The following PAK5 variants were observed in gnomAD, a reference collection of about 807,000 sequenced individuals.
The protein encoded by PAK5 is serine/threonine-protein kinase PAK 5.
In PAK5, 16 loss-of-function variants were observed where a neutral mutation model predicts 65.9. The observed-to-expected ratio is 0.24, with a 90% CI of 0.16 to 0.37. PAK5 has a LOEUF of 0.37. Ranked by LOEUF, PAK5 falls within the 10% of genes least tolerant of loss-of-function variation. The pLI, the probability that PAK5 is intolerant of heterozygous loss-of-function variation, is 1.00. For missense variants in PAK5, 785 were observed against 903.9 expected (o/e 0.87, Z 1.69); for synonymous variants, 371 against 354.9 (o/e 1.05, Z -0.51).
intron 2 of PAK5, among the ~76,000 whole-genome samples, chr20:9,687,937 T>C (rs921581711): frequency 3.3e-5 from 5 of 151,884 alleles, no homozygotes; most frequent in Admixed American, 2.6e-4. Flanking sequence ...TCTGTGTGTA[T>C]GTGTGTAGGG....
At chr20:9,772,627 T>C (rs576596387) in intron 1 of PAK5, among the ~76,000 whole-genome samples, 36 of 152,238 alleles carry the variant, frequency 2.4e-4, no homozygotes, top group African/African-American at 7.7e-4. Flanking sequence ...GTATTTCTCA[T>C]AGAATATTAA....
At chr20:9,649,365 C>A (rs1032128346) in intron 2 of PAK5, among the ~76,000 whole-genome samples, 4 of 152,134 alleles carry the variant, frequency 2.6e-5, no homozygotes, top group Admixed American at 6.5e-5. Flanking sequence ...AAGTTTACTG[C>A]AAAACTCACA....
intron 3 of PAK5, among the ~76,000 whole-genome samples, chr20:9,631,222 C>T (rs1234545920): frequency 6.6e-6 from 1 of 152,146 alleles, no homozygotes; most frequent in Non-Finnish European, 1.5e-5. Flanking sequence ...CTTTGATTAT[C>T]CCCTCTCCAT....
chr20:9,625,247 A>G lies in PAK5; in HGVS notation c.204+18878T>C, dbSNP rs991214910. Among the ~76,000 whole-genome samples, 84 of 151,894 alleles carry G rather than the reference A, an allele frequency of 5.5e-4. 1 individual carries two copies. Among genetic ancestry groups the G allele is most frequent in the Admixed American group, 3.0e-3 (46 of 15,264 alleles). ...CAACACCATCTCCTTATATTTGATA[A>G]CTCCTTCATCCTGATGTTCTCACTC... On this transcript the variant is annotated intron_variant, in intron 3 of 9. Coordinates refer to ENST00000353224, the MANE Select transcript of PAK5 (RefSeq NM_177990.4).
intron 3 of PAK5, among the ~76,000 whole-genome samples, chr20:9,642,107 G>A (rs924673783): frequency 6.6e-6 from 1 of 152,210 alleles, no homozygotes; most frequent in Non-Finnish European, 1.5e-5. Context: ...GGGAGGTGCC[G>A]AGAGCAAGCG....
chr20:9,596,849 C>T (rs955715232), intron 3 of PAK5, among the ~76,000 whole-genome samples: 1 of 152,036 alleles, frequency 6.6e-6, no homozygotes, highest in East Asian at 1.9e-4. Flanking sequence ...CGTATTAAAC[C>T]CTACTTGGCA....
chr20:9,635,317 A>T (rs1381515741), intron 3 of PAK5, among the ~76,000 whole-genome samples: 1 of 152,160 alleles, frequency 6.6e-6, no homozygotes, highest in East Asian at 1.9e-4. Flanking sequence ...TAAATAAATC[A>T]ATTCATTTTG....
At chr20:9,562,560 G>T (rs549764456) in intron 6 of PAK5, among the ~76,000 whole-genome samples, 8 of 152,182 alleles carry the variant, frequency 5.3e-5, no homozygotes, top group African/African-American at 1.4e-4. Flanking sequence ...CAATGGTAGA[G>T]TAACTCAGGA....
chr20:9,660,839 C>T (rs2047335713), intron 2 of PAK5, among the ~76,000 whole-genome samples: 1 of 152,032 alleles, frequency 6.6e-6, no homozygotes, highest in Non-Finnish European at 1.5e-5. Flanking sequence ...AAGGGCCAAA[C>T]AGAGGGACAT....
intron 7 of PAK5, among the ~76,000 whole-genome samples, 194 bp from the exon 8 acceptor site, chr20:9,544,688 G>A (rs921993345): frequency 1.3e-5 from 2 of 152,002 alleles, no homozygotes; most frequent in African/African-American, 4.8e-5. Context: ...CTTCTCCCGG[G>A]CCCACCAGGA....
chr20:9,750,245 T>C (rs896632027), intron 1 of PAK5, among the ~76,000 whole-genome samples: 1 of 152,134 alleles, frequency 6.6e-6, no homozygotes, highest in East Asian at 1.9e-4. Flanking sequence ...AACAGAAATA[T>C]TGTTAAATAG....
intron 3 of PAK5, among the ~76,000 whole-genome samples, chr20:9,583,255 G>A (rs2046011328): frequency 6.6e-6 from 1 of 152,086 alleles, no homozygotes; most frequent in Non-Finnish European, 1.5e-5. Flanking sequence ...ATCTAATCAA[G>A]TACCACATAA....
chr20:9,706,471 C>CTTTTTTTTTTTTTTTTTTTTTTT (rs34420250), intron 2 of PAK5, among the ~76,000 whole-genome samples: 1 of 125,412 alleles, frequency 8.0e-6, no homozygotes. Context: ...TCTACAAACT[C>CTTTTTTTTTTTTTTTTTTTTTTT]TTTTTTTTTT....
intron 2 of PAK5, among the ~76,000 whole-genome samples, chr20:9,649,168 A>T (rs2047172257): frequency 6.6e-6 from 1 of 152,212 alleles, no homozygotes; most frequent in South Asian, 2.1e-4. Context: ...TATTTGTTTC[A>T]GTATGTGAAC....
chr20:9,653,319 T>C (rs778056006), intron 2 of PAK5, among the ~76,000 whole-genome samples: 41 of 152,334 alleles, frequency 2.7e-4, no homozygotes, highest in Non-Finnish European at 5.4e-4. Context: ...GGTTTCATTC[T>C]TTACTATAAG....
chr20:9,585,533 A>G (rs1395214803), intron 3 of PAK5, among the ~76,000 whole-genome samples: 1 of 152,094 alleles, frequency 6.6e-6, no homozygotes, highest in Non-Finnish European at 1.5e-5. Context: ...CGTGCGCTCC[A>G]CTCTCAGAAA....
intron 1 of PAK5, among the ~76,000 whole-genome samples, chr20:9,730,637 C>G (rs568997150): frequency 1.3e-5 from 2 of 152,308 alleles, no homozygotes; most frequent in Admixed American, 1.3e-4. Flanking sequence ...ACTGGAGAAG[C>G]TATGATGATA....
At chr20:9,662,401 T>C (rs560521777) in intron 2 of PAK5, among the ~76,000 whole-genome samples, 4 of 152,278 alleles carry the variant, frequency 2.6e-5, no homozygotes, top group Admixed American at 1.3e-4. Flanking sequence ...TTCTGTAATC[T>C]GGAACTCACC....
chr20:9,606,108 T>C (rs1020408618), intron 3 of PAK5, among the ~76,000 whole-genome samples: 1 of 151,996 alleles, frequency 6.6e-6, no homozygotes, highest in Admixed American at 6.6e-5. Context: ...CGGTGGGAGG[T>C]GACTGGATCA....
Sources: gnomAD v4.1 joint callset for allele counts (sites outside exome capture counted in the v4.1 genomes callset) on GRCh38, gnomAD v4.1.1 for gene constraint, MANE v1.5 for transcripts, NCBI Gene and HGNC (gene_info 2026-07-23, HGNC 2026-07-21) for gene names.